The following TSHZ2 variants were observed in gnomAD, a reference collection of about 807,000 sequenced individuals.
The protein encoded by TSHZ2 is teashirt zinc finger homeobox 2, also known as teashirt homolog 2.
In TSHZ2, 21 loss-of-function variants were observed where a neutral mutation model predicts 74.4. That is an observed-to-expected ratio of 0.28 (90% CI 0.20 to 0.41). The LOEUF (loss-of-function observed/expected upper bound fraction) is 0.41. Ranked by LOEUF, TSHZ2 falls within the 10% of genes least tolerant of loss-of-function variation. The probability of loss-of-function intolerance (pLI) is 1.00; values close to 1 mark genes in which losing one functional copy is unlikely to be tolerated. For synonymous variants in TSHZ2, 540 were observed against 515.3 expected (o/e 1.05, Z -0.65); for missense variants, 1,244 against 1,293.5 (o/e 0.96, Z 0.59).
rs562485949 is a variant in TSHZ2 at position 53,082,935 on chromosome 20, T to A, written c.40+109602T>A. 5.3e-5 allele frequency among the ~76,000 whole-genome samples: 8 copies of A among 152,210 alleles called. 1 individual carries two copies. The highest frequency in any genetic ancestry group is 8.8e-5 in the Non-Finnish European group (6 of 68,042). ...GATGGGAATATTAGAAACAGGGTGC[T>A]CCTGGTTAGATGGAGGCAAGGCCAG... On this transcript the variant is annotated intron_variant, in intron 1 of 2. Coordinates refer to ENST00000371497, the MANE Select transcript of TSHZ2 (RefSeq NM_173485.6).
At chr20:53,076,237 G>C (rs1356179452) in intron 1 of TSHZ2, among the ~76,000 whole-genome samples, 1 of 152,214 alleles carries the variant, frequency 6.6e-6, no homozygotes, top group Non-Finnish European at 1.5e-5. Flanking sequence ...GATGATGAGA[G>C]CCTGGACTGG....
At chr20:53,162,810 T>G (rs1192381695) in intron 1 of TSHZ2, among the ~76,000 whole-genome samples, 3 of 152,138 alleles carry the variant, frequency 2.0e-5, no homozygotes, top group African/African-American at 7.2e-5. Flanking sequence ...ATTGTTTTCT[T>G]TACAAAGCGG....
At chr20:53,125,882 C>A (rs1263386507) in intron 1 of TSHZ2, among the ~76,000 whole-genome samples, 6 of 152,144 alleles carry the variant, frequency 3.9e-5, no homozygotes, top group Non-Finnish European at 7.3e-5. Context: ...TCTGCAACAA[C>A]TGTAATGTGA....
intron 1 of TSHZ2, among the ~76,000 whole-genome samples, chr20:53,252,305 C>G (rs1408331697): frequency 6.6e-6 from 1 of 152,206 alleles, no homozygotes; most frequent in African/African-American, 2.4e-5. Context: ...AATAACAGAG[C>G]CTGCTCTAAG....
chr20:53,130,142 A>G (rs552909396), intron 1 of TSHZ2, among the ~76,000 whole-genome samples: 1 of 152,148 alleles, frequency 6.6e-6, no homozygotes, highest in East Asian at 1.9e-4. Flanking sequence ...TCAATTTCTT[A>G]GCGCTAGATG....
intron 1 of TSHZ2, among the ~76,000 whole-genome samples, chr20:53,153,224 C>T (rs367844157): frequency 6.6e-6 from 1 of 152,160 alleles, no homozygotes; most frequent in Non-Finnish European, 1.5e-5. Context: ...AGCTCTGTAG[C>T]GAGGCAAGCA....
In TSHZ2 at chr20:53,411,962, G is replaced by A. The variant is rs941038936; in HGVS notation, c.*9-75182G>A. Among the ~76,000 whole-genome samples, 43 of 152,210 alleles carry A rather than the reference G, an allele frequency of 2.8e-4. 1 individual carries two copies. Among genetic ancestry groups the A allele is most frequent in the Non-Finnish European group, 7.3e-5 (5 of 68,042 alleles). ...AATAAATGTTAAAACATGCATACAT[G>A]TTGAATAGGCATGTTGCCTGAAGGG... On this transcript the variant is annotated intron_variant, in intron 2 of 2. Transcript: ENST00000371497.
chr20:53,008,372 C>T (rs931304706), intron 1 of TSHZ2, among the ~76,000 whole-genome samples: 5 of 152,108 alleles, frequency 3.3e-5, no homozygotes, highest in African/African-American at 1.2e-4. Context: ...TAATGAATTG[C>T]TCACTTGTCC....
Position 53,483,784 on chromosome 20 carries a change from A to C in TSHZ2, c.*9-3360A>C, listed in dbSNP as rs549418663. On this transcript the variant is annotated intron_variant, in intron 2 of 2. Transcript: ENST00000371497. ...TTTCCAAGACAGGAACTATAATAAAATCATTATTTTCTTTCTCCTTACTTT... is the reference window on the plus strand; with the variant it reads ...TTTCCAAGACAGGAACTATAATAAACTCATTATTTTCTTTCTCCTTACTTT... 1.7e-3 allele frequency among the ~76,000 whole-genome samples: 262 copies of C among 152,296 alleles called. 2 individuals are homozygous for C. The highest frequency in any genetic ancestry group is 3.0e-3 in the Non-Finnish European group (202 of 68,026).
chr20:53,233,511 A>G (rs1463211291), intron 1 of TSHZ2, among the ~76,000 whole-genome samples: 2 of 152,184 alleles, frequency 1.3e-5, no homozygotes, highest in Non-Finnish European at 2.9e-5. Flanking sequence ...GAACTGTAGC[A>G]TTTTCTCATA....
intron 1 of TSHZ2, among the ~76,000 whole-genome samples, chr20:53,197,954 C>CA (rs748183530): frequency 1.3e-5 from 2 of 152,166 alleles, no homozygotes; most frequent in East Asian, 3.8e-4. Context: ...GGTGACCCGA[C>CA]AGGCAATAAA....
intron 1 of TSHZ2, among the ~76,000 whole-genome samples, chr20:53,250,560 T>C (rs529907733): frequency 1.2e-4 from 18 of 152,334 alleles, no homozygotes; most frequent in African/African-American, 4.1e-4. Flanking sequence ...TTGGCACTTT[T>C]TGTATGAGGC....
At chr20:53,437,512 A>G (rs1050057712) in intron 2 of TSHZ2, among the ~76,000 whole-genome samples, 3 of 151,902 alleles carry the variant, frequency 2.0e-5, no homozygotes, top group Admixed American at 6.6e-5. Context: ...AGAAAAATCC[A>G]CTCAAACCAG....
At chr20:53,207,440 G>A (rs1353164144) in intron 1 of TSHZ2, among the ~76,000 whole-genome samples, 1 of 152,134 alleles carries the variant, frequency 6.6e-6, no homozygotes, top group Non-Finnish European at 1.5e-5. Flanking sequence ...GTGGCAAGAA[G>A]CAGCAATAAG....
At chr20:53,137,576 C>G (rs938299525) in intron 1 of TSHZ2, among the ~76,000 whole-genome samples, 12 of 152,172 alleles carry the variant, frequency 7.9e-5, no homozygotes, top group African/African-American at 2.2e-4. Flanking sequence ...CCGCTAAATC[C>G]TATTTGGTCT....
intron 1 of TSHZ2, chr20:53,168,951 ATCT>A (rs778885718): frequency 1.8e-4 from 28 of 152,196 alleles, no homozygotes; most frequent in Non-Finnish European, 1.5e-4. Flanking sequence ...AATGTTCAAA[ATCT>A]TCTTGATTTG....
chr20:53,230,128 C>A (rs981141593), intron 1 of TSHZ2, among the ~76,000 whole-genome samples: 2 of 151,990 alleles, frequency 1.3e-5, no homozygotes, highest in African/African-American at 2.4e-5. Flanking sequence ...CTAGTATGAA[C>A]CCTCAAAGAA....
chr20:52,989,281 A>C (rs766432169), intron 1 of TSHZ2, among the ~76,000 whole-genome samples: 5 of 152,030 alleles, frequency 3.3e-5, no homozygotes, highest in Non-Finnish European at 5.9e-5. Flanking sequence ...CCATTGTGTT[A>C]ATACAAAGTT....
At chr20:53,016,383 G>A (rs1207141571) in intron 1 of TSHZ2, among the ~76,000 whole-genome samples, 1 of 152,190 alleles carries the variant, frequency 6.6e-6, no homozygotes, top group South Asian at 2.1e-4. Flanking sequence ...AGCTGGTGCA[G>A]TTAGCAACAA....
Sources: allele counts gnomAD v4.1 joint callset (sites outside exome capture counted in the v4.1 genomes callset), GRCh38; gene constraint gnomAD v4.1.1; transcripts MANE v1.5; gene names NCBI Gene and HGNC (gene_info 2026-07-23, HGNC 2026-07-21).